TGFB2: variants seen among roughly 807,000 people sequenced by gnomAD.
TGFB2 encodes the protein transforming growth factor beta 2.
A neutral mutation model predicts 42.7 loss-of-function variants in TGFB2; 13 were observed. That is an observed-to-expected ratio of 0.30 (90% CI 0.20 to 0.48). TGFB2 has a LOEUF of 0.48. Ranked by LOEUF, TGFB2 falls within the 20% of genes least tolerant of loss-of-function variation. The pLI, the probability that TGFB2 is intolerant of heterozygous loss-of-function variation, is 0.99. For missense variants in TGFB2, 390 were observed against 517.5 expected (o/e 0.75, Z 2.39); for synonymous variants, 193 against 193.6 (o/e 1.00, Z 0.03).
chr1:218,367,162 A>G (rs1434050593), intron 1 of TGFB2, among the ~76,000 whole-genome samples: 1 of 152,114 alleles, frequency 6.6e-6, no homozygotes, highest in East Asian at 1.9e-4. Context: ...TTTCAAAGCT[A>G]GTGTTTAATG....
At chr1:218,433,948 G>A in intron 2 of TGFB2, 134 bp from the exon 3 acceptor site, 2 of 1,180,584 alleles carry the variant, frequency 1.7e-6, no homozygotes, top group African/African-American at 3.1e-5. Flanking sequence ...CCATGCAATT[G>A]AGATGACAAT....
intron 4 of TGFB2, 118 bp from the exon 5 acceptor site, chr1:218,435,852 A>T: frequency 2.0e-6 from 2 of 1,002,442 alleles, no homozygotes; most frequent in Non-Finnish European, 2.9e-6. Context: ...TTGCCAGCTG[A>T]TGCTGCTTTG....
chr1:218,363,845 T>C (rs1657297862), intron 1 of TGFB2, among the ~76,000 whole-genome samples: 1 of 152,202 alleles, frequency 6.6e-6, no homozygotes, highest in Non-Finnish European at 1.5e-5. Flanking sequence ...TTAATGTTTC[T>C]TGTCCTGAAC....
In TGFB2 at chr1:218,444,546, C is replaced by G. The variant is rs1660259625; in HGVS notation, c.*3184C>G. ...CTCCAATTTTTTTGGCTGCTACCTACAAGACCAGACTCCTCAAACGAGTTG... is the reference window on the plus strand; with the variant it reads ...CTCCAATTTTTTTGGCTGCTACCTAGAAGACCAGACTCCTCAAACGAGTTG... On this transcript the variant is annotated 3_prime_UTR_variant, in exon 7 of 7. Transcript: ENST00000366930. The G allele has an allele frequency of 6.6e-6, 1 of 152,132 alleles. No individual in the cohort carries two copies. Among genetic ancestry groups the G allele is most frequent in the Non-Finnish European group, 1.5e-5 (1 of 68,016 alleles). The allele number at this position is 152,132 out of a possible 1,614,324, so 9.4% of individuals were successfully genotyped here. A position where few individuals can be genotyped will look rare whatever the true frequency, so the allele number is the denominator to read the frequency against.
intron 1 of TGFB2, among the ~76,000 whole-genome samples, chr1:218,384,866 T>C (rs934244062): frequency 1.3e-5 from 2 of 152,204 alleles, no homozygotes; most frequent in Non-Finnish European, 2.9e-5. Context: ...AGCCCGATTG[T>C]CTCTGACAGT....
At chr1:218,415,321 G>T (rs1415548804) in intron 2 of TGFB2, among the ~76,000 whole-genome samples, 1 of 152,116 alleles carries the variant, frequency 6.6e-6, no homozygotes. Flanking sequence ...CTGGGTTCTT[G>T]GTTGCTGTCC....
At chr1:218,423,657 C>G (rs115887817) in intron 2 of TGFB2, among the ~76,000 whole-genome samples, 1 of 152,006 alleles carries the variant, frequency 6.6e-6, no homozygotes, top group Admixed American at 6.6e-5. Flanking sequence ...GGATGAAAGG[C>G]GCGTGTGAGA....
rs539293924 is a variant in TGFB2, at chr1:218,398,630, C to T, written c.347-6539C>T. 1.5e-3 allele frequency among the ~76,000 whole-genome samples: 221 copies of T among 151,632 alleles called. 1 individual carries two copies. The highest frequency in any genetic ancestry group is 2.5e-3 in the Non-Finnish European group (167 of 67,930). ...TTGAGTTGGAGTCTTTCTCCGTCAC[C>T]AGGCTGGAGTGCAGTGGTGCAATCT... On this transcript the variant is annotated intron_variant, in intron 1 of 6. Coordinates refer to ENST00000366930, the MANE Select transcript of TGFB2 (RefSeq NM_003238.6).
chr1:218,371,697 T>C (rs1198635380), intron 1 of TGFB2, among the ~76,000 whole-genome samples: 2 of 152,218 alleles, frequency 1.3e-5, no homozygotes, highest in Non-Finnish European at 2.9e-5. Flanking sequence ...CTGATATGTC[T>C]GGCAGTGTCT....
intron 1 of TGFB2, 68 bp downstream of exon 1, chr1:218,347,115 G>C: frequency 1.4e-6 from 2 of 1,440,600 alleles, no homozygotes; most frequent in South Asian, 2.6e-5. Flanking sequence ...AACCGCAGCA[G>C]CTCCCGGGAT....
intron 6 of TGFB2, among the ~76,000 whole-genome samples, chr1:218,440,462 G>A (rs879838194): frequency 2.0e-5 from 3 of 151,816 alleles, no homozygotes; most frequent in Non-Finnish European, 2.9e-5. Flanking sequence ...CAGGGTCTGG[G>A]TCTGTTGTCC....
intron 1 of TGFB2, among the ~76,000 whole-genome samples, chr1:218,353,375 A>G (rs1013686738): frequency 2.6e-5 from 4 of 152,190 alleles, no homozygotes; most frequent in African/African-American, 4.8e-5. Context: ...GGCACTATCC[A>G]GTTCTCCTAT....
intron 2 of TGFB2, among the ~76,000 whole-genome samples, chr1:218,425,245 T>C (rs939790164): frequency 3.3e-5 from 5 of 152,174 alleles, no homozygotes; most frequent in African/African-American, 9.7e-5. Context: ...TCTTGCTCCA[T>C]CACGGAGGCT....
At chr1:218,436,771 C>T (rs544666143) in intron 5 of TGFB2, among the ~76,000 whole-genome samples, 2 of 152,292 alleles carry the variant, frequency 1.3e-5, no homozygotes, top group African/African-American at 4.8e-5. Flanking sequence ...CTCAAAATGT[C>T]AGAGGCCATG....
rs1656682782 is a variant in TGFB2, at chr1:218,346,527, A to C, written c.-175A>C. 5.3e-6 allele frequency: 3 copies of C among 567,184 alleles called. No individual in the cohort carries two copies. The highest frequency in any genetic ancestry group is 1.9e-5 in the African/African-American group (1 of 51,382). 35.1% of individuals were successfully genotyped at this position (567,184 alleles called of 1,614,324 possible). On this transcript the variant is annotated 5_prime_UTR_variant, in exon 1 of 7. Transcript: ENST00000366930. The surrounding 1 kb of genome is among the most constrained non-coding windows in gnomAD (Gnocchi z 4.9). ...TGGCCTTTTCTTTTTAAAGGAATTC[A>C]AGCAGGATACGTTTTTCTGTTGGGC... is the stretch of plus-strand genomic sequence containing the variant.
intron 1 of TGFB2, among the ~76,000 whole-genome samples, chr1:218,380,688 T>C (rs1035329975): frequency 6.6e-6 from 1 of 152,064 alleles, no homozygotes; most frequent in Non-Finnish European, 1.5e-5. Flanking sequence ...TTGCTTCATC[T>C]GGAGATGAAG....
intron 4 of TGFB2, among the ~76,000 whole-genome samples, chr1:218,434,862 T>A (rs1659920829): frequency 6.6e-6 from 1 of 151,600 alleles, no homozygotes; most frequent in Admixed American, 6.6e-5. Context: ...AAGAAAGGAG[T>A]CTCCTCCTGC....
At chr1:218,406,192 TACACACACAC>T (rs35504165) in intron 2 of TGFB2, among the ~76,000 whole-genome samples, 144 of 149,082 alleles carry the variant, frequency 9.7e-4, no homozygotes, top group African/African-American at 3.1e-3. Context: ...ACCCACTCAA[TACACACACAC>T]ACACACACAC....
At chr1:218,352,197 G>C (rs1056099051) in intron 1 of TGFB2, among the ~76,000 whole-genome samples, 3 of 144,076 alleles carry the variant, frequency 2.1e-5, no homozygotes, top group African/African-American at 7.7e-5. Context: ...CTGCATGGAA[G>C]AGCTCTGGAA....
Sources: allele counts gnomAD v4.1 joint callset (sites outside exome capture counted in the v4.1 genomes callset), GRCh38; gene constraint gnomAD v4.1.1; non-coding constraint Gnocchi (gnomAD v3.1); transcripts MANE v1.5; gene names NCBI Gene and HGNC (gene_info 2026-07-23, HGNC 2026-07-21).